AUTS2: variants seen among roughly 807,000 people sequenced by gnomAD.
The protein encoded by AUTS2 is activator of transcription and developmental regulator AUTS2.
AUTS2 carries 17 observed loss-of-function variants against 112.4 expected under a neutral mutation model. The observed-to-expected ratio is 0.15, with a 90% CI of 0.10 to 0.23. The LOEUF is 0.23. Ranked by LOEUF, AUTS2 falls within the 10% of genes least tolerant of loss-of-function variation. AUTS2 has a pLI of 1.00. For missense variants in AUTS2, 1,510 were observed against 1,701.6 expected (o/e 0.89, Z 1.98); for synonymous variants, 751 against 702.7 (o/e 1.07, Z -1.09).
At chr7:70,582,579 C>A (rs902706915) in intron 5 of AUTS2, among the ~76,000 whole-genome samples, 48 of 152,204 alleles carry the variant, frequency 3.2e-4, no homozygotes, top group Non-Finnish European at 7.3e-5. Flanking sequence ...TGGGACTCAC[C>A]ACTTCACAGA....
chr7:69,850,732 A>G (rs1418971973), intron 1 of AUTS2, among the ~76,000 whole-genome samples: 1 of 152,030 alleles, frequency 6.6e-6, no homozygotes, highest in Non-Finnish European at 1.5e-5. Flanking sequence ...AATGTTCTTT[A>G]TGTATTCTAG....
intron 2 of AUTS2, among the ~76,000 whole-genome samples, chr7:70,018,520 G>A (rs10276322): frequency 0.11 from 16,716 of 152,110 alleles, 1,432 homozygotes; most frequent in African/African-American, 0.23. Context: ...CTGCACCCTA[G>A]CTAATTTGAT....
At chr7:70,619,157 T>C (rs533732503) in intron 5 of AUTS2, among the ~76,000 whole-genome samples, 53 of 152,198 alleles carry the variant, frequency 3.5e-4, no homozygotes, top group African/African-American at 1.3e-3. Context: ...TTGCCGGACT[T>C]GGATCAGCAG....
At chr7:70,030,508 A>G (rs1255175706) in intron 2 of AUTS2, among the ~76,000 whole-genome samples, 1 of 152,160 alleles carries the variant, frequency 6.6e-6, no homozygotes, top group Non-Finnish European at 1.5e-5. Context: ...TCATTTTGGT[A>G]TTCTCAGATA....
At chr7:69,857,708 C>T (rs77468940) in intron 1 of AUTS2, among the ~76,000 whole-genome samples, 422 of 151,842 alleles carry the variant, frequency 2.8e-3, no homozygotes, top group Admixed American at 4.4e-3. Flanking sequence ...TAAGACATTC[C>T]CGGGAGGCTG....
chr7:70,418,784 A>G (rs1795094467), intron 4 of AUTS2, among the ~76,000 whole-genome samples: 1 of 152,180 alleles, frequency 6.6e-6, no homozygotes, highest in South Asian at 2.1e-4. Context: ...AAATGTAAAG[A>G]TGAAAATAAA....
chr7:70,422,359 A>G (rs1194594214), intron 4 of AUTS2, among the ~76,000 whole-genome samples: 1 of 152,238 alleles, frequency 6.6e-6, no homozygotes, highest in African/African-American at 2.4e-5. Flanking sequence ...AAGTGAATCA[A>G]ATGTGAAAAG....
chr7:70,615,497 G>A (rs1177050807), intron 5 of AUTS2, among the ~76,000 whole-genome samples: 1 of 151,992 alleles, frequency 6.6e-6, no homozygotes, highest in African/African-American at 2.4e-5. Context: ...ACAAGGTGCA[G>A]GAAAAGTCTA....
intron 4 of AUTS2, among the ~76,000 whole-genome samples, chr7:70,246,232 A>G (rs1355412830): frequency 2.0e-5 from 3 of 152,194 alleles, no homozygotes; most frequent in South Asian, 2.1e-4. Flanking sequence ...CTTTTCCTGT[A>G]TAGTTTGAGT....
chr7:70,213,263 A>G (rs1293865771), intron 4 of AUTS2, among the ~76,000 whole-genome samples: 2 of 151,808 alleles, frequency 1.3e-5, no homozygotes, highest in African/African-American at 4.8e-5. Flanking sequence ...GTGGTGACCC[A>G]CGCCTGTAAT....
chr7:70,459,621 C>G (rs567958243), intron 5 of AUTS2, among the ~76,000 whole-genome samples: 9 of 152,320 alleles, frequency 5.9e-5, no homozygotes, highest in East Asian at 1.9e-4. Context: ...TAAGTCTAAA[C>G]TCAGACAAGG....
intron 4 of AUTS2, among the ~76,000 whole-genome samples, chr7:70,208,398 T>C (rs1006933290): frequency 1.3e-5 from 2 of 152,196 alleles, no homozygotes; most frequent in Non-Finnish European, 2.9e-5. Flanking sequence ...TCTTTAAGGC[T>C]TTCATGACAT....
chr7:70,132,836 A>G (rs1806349540), intron 3 of AUTS2, among the ~76,000 whole-genome samples: 1 of 152,174 alleles, frequency 6.6e-6, no homozygotes, highest in Non-Finnish European at 1.5e-5. Context: ...AGGAAGGGAA[A>G]GAAATGAAAT....
chr7:70,067,114 G>A lies in AUTS2; in HGVS notation c.523-51018G>A, dbSNP rs60759633. Among the ~76,000 whole-genome samples, 564 of 152,224 alleles carry A rather than the reference G, an allele frequency of 3.7e-3. 6 individuals are homozygous for A. Among genetic ancestry groups the A allele is most frequent in the African/African-American group, 0.012 (512 of 41,536 alleles). Reference sequence around the variant, plus strand: ...AAGTTCTTAGTGGGGAAAAAGAGGCGAAAAGTACAGTGTGATTAACTTATG... The same window carrying A: ...AAGTTCTTAGTGGGGAAAAAGAGGCAAAAAGTACAGTGTGATTAACTTATG... On this transcript the variant is annotated intron_variant, in intron 2 of 18. Transcript: ENST00000342771.
At chr7:70,233,436 A>G (rs1812162268) in intron 4 of AUTS2, among the ~76,000 whole-genome samples, 11 of 152,118 alleles carry the variant, frequency 7.2e-5, no homozygotes, top group Admixed American at 7.2e-4. Context: ...CATTGTCGAG[A>G]TTTCTGATGG....
Position 70,212,616 on chromosome 7 carries a change from T to A in AUTS2, c.660+78045T>A, listed in dbSNP as rs562345763. Among the ~76,000 whole-genome samples the A allele has an allele frequency of 8.0e-5, 12 of 150,834 alleles. No individual in the cohort carries two copies. The East Asian group carries it at 2.3e-3, about 29-fold the overall frequency. ...CGGCAAAGCAACACAATTTTGGCAT[T>A]AAAAAAAAATCTCTGGATTACTTTA... On this transcript the variant is annotated intron_variant, in intron 4 of 18. Coordinates refer to ENST00000342771, the MANE Select transcript of AUTS2 (RefSeq NM_015570.4).
chr7:70,614,547 C>T (rs970758469), intron 5 of AUTS2, among the ~76,000 whole-genome samples: 12 of 152,218 alleles, frequency 7.9e-5, no homozygotes, highest in African/African-American at 1.4e-4. Context: ...CTTCCTGCGG[C>T]AGGGATTGGA....
intron 4 of AUTS2, among the ~76,000 whole-genome samples, chr7:70,269,414 G>A (rs1406477420): frequency 6.6e-6 from 1 of 152,120 alleles, no homozygotes; most frequent in Admixed American, 6.6e-5. Flanking sequence ...GGGGATGGGG[G>A]TGTTCTGGTC....
chr7:69,705,712 A>G (rs1798036874), intron 1 of AUTS2, among the ~76,000 whole-genome samples: 1 of 152,218 alleles, frequency 6.6e-6, no homozygotes, highest in African/African-American at 2.4e-5. Context: ...GGCTAGGGCC[A>G]CTGTAACAAA....
Sources: gnomAD v4.1 joint callset for allele counts (sites outside exome capture counted in the v4.1 genomes callset) on GRCh38, gnomAD v4.1.1 for gene constraint, MANE v1.5 for transcripts, NCBI Gene and HGNC (gene_info 2026-07-23, HGNC 2026-07-21) for gene names.